ATG7: variants seen among roughly 807,000 people sequenced by gnomAD.
The protein encoded by ATG7 is ubiquitin-like modifier-activating enzyme ATG7.
A neutral mutation model predicts 82.4 loss-of-function variants in ATG7; 70 were observed. The ratio of observed to expected loss-of-function variants is 0.85; its 90% CI spans 0.70 to 1.04. The LOEUF (loss-of-function observed/expected upper bound fraction) is 1.04, where lower values mean the gene tolerates loss of function less well. Ranked by LOEUF, ATG7 falls within the 50% of genes least tolerant of loss-of-function variation. The probability of loss-of-function intolerance (pLI) is 0.00; values close to 1 mark genes in which losing one functional copy is unlikely to be tolerated. For missense variants in ATG7, 792 were observed against 864.3 expected (o/e 0.92, Z 1.05); for synonymous variants, 287 against 313.0 (o/e 0.92, Z 0.88).
the ATG7 span, among the ~76,000 whole-genome samples, chr3:11,574,916 A>G: frequency 6.6e-6 from 1 of 151,854 alleles, no homozygotes; most frequent in South Asian, 2.1e-4. Flanking sequence ...TTATGCGCCT[A>G]CATACAAAAG....
Position 11,477,202 on chromosome 3 carries a change from A to G in ATG7, c.2079+50276A>G, listed in dbSNP as rs987230486. ...ACATAAACAAATGGACGGAAGAATC[A>G]AGCACTTCTGTGAATGGAATCTTTT... On this transcript the variant is annotated intron_variant, in intron 20 of 20. Transcript: ENST00000693202. The G allele has an allele frequency of 4.7e-6, 6 of 1,288,624 alleles. No homozygotes were observed. In the Admixed American group the frequency reaches 9.2e-5, roughly 20 times the overall value. The allele number at this position is 1,288,624 out of a possible 1,614,324, so 79.8% of individuals were successfully genotyped here.
chr3:11,485,991 G>A (rs1398095376), intron 20 of ATG7, among the ~76,000 whole-genome samples: 1 of 152,140 alleles, frequency 6.6e-6, no homozygotes, highest in Non-Finnish European at 1.5e-5. Flanking sequence ...CTCCAGCTTT[G>A]CTCTTTTGGC....
At chr3:11,363,797 C>G (rs1345308324) in intron 17 of ATG7, among the ~76,000 whole-genome samples, 2 of 152,164 alleles carry the variant, frequency 1.3e-5, no homozygotes, top group African/African-American at 4.8e-5. Context: ...CTCAGAAAGT[C>G]AATATGCAAA....
At chr3:11,403,458 A>G (rs978131632) in intron 19 of ATG7, among the ~76,000 whole-genome samples, 2 of 152,110 alleles carry the variant, frequency 1.3e-5, no homozygotes, top group African/African-American at 2.4e-5. Context: ...ATCTGGAGGG[A>G]TAGCTTGTCT....
chr3:11,331,460 T>C (rs1406538834), intron 10 of ATG7, 32 bp downstream of exon 10: 1 of 1,487,124 alleles, frequency 6.7e-7, no homozygotes, highest in South Asian at 1.1e-5. Flanking sequence ...TGTCTGTCTG[T>C]CTGCCTTTGC....
At chr3:11,472,969 A>G (rs778646727) in intron 20 of ATG7, among the ~76,000 whole-genome samples, 14 of 152,148 alleles carry the variant, frequency 9.2e-5, no homozygotes, top group Non-Finnish European at 1.5e-4. Context: ...AAGCAAATGC[A>G]TTTTTCAGGA....
At chr3:11,542,525 C>T (rs1391981385) in intron 20 of ATG7, among the ~76,000 whole-genome samples, 1 of 152,100 alleles carries the variant, frequency 6.6e-6, no homozygotes, top group Non-Finnish European at 1.5e-5. Context: ...GCAGATGTAC[C>T]TTGCCATGGG....
intron 20 of ATG7, among the ~76,000 whole-genome samples, chr3:11,478,325 G>GT (rs1348882264): frequency 2.0e-5 from 3 of 152,264 alleles, no homozygotes; most frequent in Admixed American, 1.3e-4. Flanking sequence ...AGGTATGAAA[G>GT]TATTCATCTG....
At chr3:11,573,353 AAGAAAGAAAGAAAGAAAG>A in the ATG7 span, among the ~76,000 whole-genome samples, 1 of 100,978 alleles carries the variant, frequency 9.9e-6, no homozygotes, top group African/African-American at 3.1e-5. Flanking sequence ...GAAAGAAAGA[AAGAAAGAAAGAAAGAAAG>A]AAAGAAAGAA....
chr3:11,312,317 CAT>C (rs1465149408), intron 7 of ATG7, among the ~76,000 whole-genome samples: 2 of 152,232 alleles, frequency 1.3e-5, no homozygotes, highest in African/African-American at 4.8e-5. Flanking sequence ...CAAATACCCA[CAT>C]ATGTCTGGAA....
intron 20 of ATG7, among the ~76,000 whole-genome samples, chr3:11,497,357 CTA>C (rs58838386): frequency 0.13 from 7,698 of 57,044 alleles, 521 homozygotes; most frequent in South Asian, 0.29. Context: ...ACTAAAAATA[CTA>C]TATATATATA....
chr3:11,469,428 A>G (rs1407796410), intron 20 of ATG7, among the ~76,000 whole-genome samples: 5 of 151,876 alleles, frequency 3.3e-5, no homozygotes, highest in African/African-American at 1.2e-4. Flanking sequence ...CGGCCTGGGC[A>G]ACAAGAGCAA....
chr3:11,393,726 G>A (rs1340816677), intron 19 of ATG7, among the ~76,000 whole-genome samples: 1 of 152,036 alleles, frequency 6.6e-6, no homozygotes, highest in Non-Finnish European at 1.5e-5. Flanking sequence ...GGTTGCCCAG[G>A]CTGGAGTGCA....
At chr3:11,313,848 C>T (rs921082156) in intron 8 of ATG7, among the ~76,000 whole-genome samples, 3 of 152,194 alleles carry the variant, frequency 2.0e-5, no homozygotes, top group Non-Finnish European at 2.9e-5. Flanking sequence ...AATCTGTCCA[C>T]CTCAGCCTCC....
intron 20 of ATG7, among the ~76,000 whole-genome samples, chr3:11,525,173 G>A (rs1189881415): frequency 6.7e-6 from 1 of 150,188 alleles, no homozygotes; most frequent in African/African-American, 2.5e-5. Context: ...TGGGACCACA[G>A]GCGTGCACTA....
At chr3:11,529,073 C>T (rs1439801762) in intron 20 of ATG7, among the ~76,000 whole-genome samples, 1 of 151,352 alleles carries the variant, frequency 6.6e-6, no homozygotes, top group East Asian at 2.0e-4. Flanking sequence ...AAAAAGGGGG[C>T]GGTACATTCA....
intron 19 of ATG7, among the ~76,000 whole-genome samples, chr3:11,420,901 G>A (rs567599698): frequency 6.6e-6 from 1 of 151,932 alleles, no homozygotes; most frequent in East Asian, 1.9e-4. Flanking sequence ...GACTACAGGT[G>A]TATGCCACCT....
intron 19 of ATG7, among the ~76,000 whole-genome samples, chr3:11,423,690 G>A (rs988071007): frequency 2.0e-5 from 3 of 151,676 alleles, no homozygotes; most frequent in East Asian, 1.9e-4. Context: ...TTGACTCTAC[G>A]CACGTAATGG....
intron 20 of ATG7, among the ~76,000 whole-genome samples, chr3:11,520,564 A>C (rs1051176913): frequency 6.6e-6 from 1 of 152,128 alleles, no homozygotes; most frequent in Non-Finnish European, 1.5e-5. Context: ...CTGGCCCTGG[A>C]GGAACACACA....
Sources: gnomAD v4.1 joint callset for allele counts (sites outside exome capture counted in the v4.1 genomes callset) on GRCh38, gnomAD v4.1.1 for gene constraint, MANE v1.5 for transcripts, NCBI Gene and HGNC (gene_info 2026-07-23, HGNC 2026-07-21) for gene names.